The following GPR149 variants were observed in gnomAD, a reference collection of about 807,000 sequenced individuals.
GPR149 encodes probable G protein-coupled receptor 149.
Under a neutral mutation model 50.2 loss-of-function variants are expected in GPR149, and 50 were observed. That is an observed-to-expected ratio of 1.00 (90% confidence interval 0.79 to 1.26). The LOEUF is 1.26. Among genes scored for constraint, GPR149 ranks in the 50% most tolerant of loss-of-function variants. GPR149 has a pLI of 0.00. For missense variants in GPR149, 983 were observed against 895.4 expected, an observed-to-expected ratio of 1.10 and a Z score of -1.25; for synonymous variants, 405 against 358.2, an observed-to-expected ratio of 1.13 and a Z score of -1.48.
At chr3:154,411,395 T>G (rs984517596) in intron 3 of GPR149, among the ~76,000 whole-genome samples, 2 of 151,896 alleles carry the variant, frequency 1.3e-5, no homozygotes, top group Admixed American at 6.6e-5. Flanking sequence ...ATACAAAAGA[T>G]AAATTAAACA....
At chr3:154,409,638 CT>C (rs1172003614) in intron 3 of GPR149, among the ~76,000 whole-genome samples, 2 of 151,928 alleles carry the variant, frequency 1.3e-5, no homozygotes, top group African/African-American at 4.8e-5. Context: ...TACTTCAGAG[CT>C]CAAAGACAGG....
Position 154,373,372 on chromosome 3 carries a change from T to A in GPR149, c.1624-35101A>T, listed in dbSNP as rs1358761499. ...TACTAAAATGGAATCAATGCAAAGATGAACATACACATTCTTTACTACCAG... is the reference window on the plus strand; with the variant it reads ...TACTAAAATGGAATCAATGCAAAGAAGAACATACACATTCTTTACTACCAG... On this transcript the variant is annotated intron_variant, in intron 3 of 3. Transcript: ENST00000389740. Among the ~76,000 whole-genome samples, 3 of 152,180 alleles carry A rather than the reference T, an allele frequency of 2.0e-5. No homozygotes were observed. In the East Asian group the frequency reaches 5.8e-4, roughly 29 times the overall value.
At chr3:154,387,889 C>T (rs1441104734) in intron 3 of GPR149, among the ~76,000 whole-genome samples, 1 of 152,000 alleles carries the variant, frequency 6.6e-6, no homozygotes, top group Admixed American at 6.6e-5. Context: ...TCTTGTGAAC[C>T]TCTATGGCAT....
intron 3 of GPR149, among the ~76,000 whole-genome samples, chr3:154,409,121 G>A (rs958022782): frequency 6.6e-6 from 1 of 152,188 alleles, no homozygotes; most frequent in Non-Finnish European, 1.5e-5. Flanking sequence ...AGACCCAGAA[G>A]AGCAAAAACA....
chr3:154,398,754 A>T (rs1715352220), intron 3 of GPR149, among the ~76,000 whole-genome samples: 1 of 152,166 alleles, frequency 6.6e-6, no homozygotes, highest in Non-Finnish European at 1.5e-5. Context: ...TCATTTCATC[A>T]ATGTAGGAAC....
In GPR149 at chr3:154,338,298, G is replaced by A. The variant is rs536458137; in HGVS notation, c.1624-27C>T. The stretch of plus-strand genomic sequence containing the variant: ...TGGGGACAAAAACAAAATTGTTATT[G>A]TTGAAAGCTAGGTTCTGAGGTTGAG... On this transcript the variant is annotated intron_variant, in intron 3 of 3. Transcript: ENST00000389740. The A allele has an allele frequency of 6.7e-6, 10 of 1,490,586 alleles. No homozygotes were observed. In the African/African-American group the frequency reaches 1.1e-4, roughly 17 times the overall value. The allele number at this position is 1,490,586 out of a possible 1,614,324, so 92.3% of individuals were successfully genotyped here.
chr3:154,340,021 T>C (rs985205320), intron 3 of GPR149, among the ~76,000 whole-genome samples: 1 of 151,996 alleles, frequency 6.6e-6, no homozygotes, highest in Non-Finnish European at 1.5e-5. Context: ...CTCGATCTCC[T>C]GACCTTGTGA....
At chr3:154,391,776 T>C (rs1284139560) in intron 3 of GPR149, among the ~76,000 whole-genome samples, 2 of 151,728 alleles carry the variant, frequency 1.3e-5, no homozygotes, top group African/African-American at 4.8e-5. Context: ...CTTAATAAAC[T>C]TATTAAGTTT....
At chr3:154,385,704 C>CTTTTTTT (rs5853692) in intron 3 of GPR149, among the ~76,000 whole-genome samples, 2 of 136,148 alleles carry the variant, frequency 1.5e-5, no homozygotes, top group Non-Finnish European at 1.6e-5. Context: ...TTCTTTCTTT[C>CTTTTTTT]TTTTTTTTTT....
At chr3:154,400,366 T>C (rs1426408533) in intron 3 of GPR149, among the ~76,000 whole-genome samples, 1 of 152,208 alleles carries the variant, frequency 6.6e-6, no homozygotes, top group Non-Finnish European at 1.5e-5. Context: ...TCAGAAATTA[T>C]ATTATTTGCC....
At chr3:154,412,011 G>T (rs1711848464) in intron 3 of GPR149, among the ~76,000 whole-genome samples, 1 of 152,060 alleles carries the variant, frequency 6.6e-6, no homozygotes, top group Non-Finnish European at 1.5e-5. Context: ...ATGATCAAGT[G>T]GGTTTCATAC....
intron 3 of GPR149, among the ~76,000 whole-genome samples, chr3:154,361,228 G>A (rs1714371653): frequency 6.6e-6 from 1 of 152,124 alleles, no homozygotes; most frequent in South Asian, 2.1e-4. Flanking sequence ...TAATGATGAA[G>A]TTATACATAG....
At chr3:154,398,844 A>C (rs1308853844) in intron 3 of GPR149, among the ~76,000 whole-genome samples, 2 of 152,180 alleles carry the variant, frequency 1.3e-5, no homozygotes, top group Non-Finnish European at 2.9e-5. Flanking sequence ...CAGCAGGAAG[A>C]TTGGATCAAG....
In GPR149 at chr3:154,429,203, A is replaced by G; in HGVS notation, c.413T>C (p.Val138Ala). The G allele has an allele frequency of 6.2e-7, 1 of 1,614,088 alleles. No homozygotes were observed. Among genetic ancestry groups the G allele is most frequent in the South Asian group, 1.1e-5 (1 of 91,084 alleles). Residue 138 changes from valine (V) to alanine (A), a missense_variant, in exon 1 of 4, where the codon GTG becomes GCG. Transcript: ENST00000389740. The part of the protein sequence containing the change: ...SYNFYTMHRG[V>A]GSQTASRRSG... ...TCTTCTGGAGGCTGTCTGGCTCCCC[A>G]CACCTCTGTGCATCGTATAAAAGTT...
At position 154,351,313 on chromosome 3, in the gene GPR149, C is replaced by CAAAA. The variant is rs71155003; in HGVS notation, c.1624-13046_1624-13043dup. Among the ~76,000 whole-genome samples, 197 of 75,564 alleles carry CAAAA rather than the reference C, an allele frequency of 2.6e-3. 1 individual carries two copies. Among genetic ancestry groups the CAAAA allele is most frequent in the Non-Finnish European group, 4.0e-3 (168 of 41,976 alleles). The allele number at this position is 75,564 out of a possible 152,430, so 49.6% of individuals were successfully genotyped here. ...GCTAGGGCAATTAGACATCCACATA[C>CAAAA]AAAAAAAAAAAAAAAAAAAAAAAAA... On this transcript the variant is annotated intron_variant, in intron 3 of 3. Coordinates refer to ENST00000389740, the MANE Select transcript of GPR149 (RefSeq NM_001038705.3).
chr3:154,349,308 A>T (rs1025986869), intron 3 of GPR149, among the ~76,000 whole-genome samples: 1 of 152,228 alleles, frequency 6.6e-6, no homozygotes, highest in Non-Finnish European at 1.5e-5. Flanking sequence ...GAAATTAATG[A>T]AACAAAAAGT....
At chr3:154,404,297 G>T (rs111554229) in intron 3 of GPR149, among the ~76,000 whole-genome samples, 17 of 152,130 alleles carry the variant, frequency 1.1e-4, no homozygotes, top group African/African-American at 3.4e-4. Flanking sequence ...TGATTATTTG[G>T]ATTTCCTTTT....
chr3:154,358,509 GA>G (rs1714300345), intron 3 of GPR149, among the ~76,000 whole-genome samples: 1 of 151,872 alleles, frequency 6.6e-6, no homozygotes, highest in South Asian at 2.1e-4. Context: ...ACAGATCCAA[GA>G]TACTTGAAAA....
chr3:154,368,288 C>T (rs1714588747), intron 3 of GPR149, among the ~76,000 whole-genome samples: 1 of 152,200 alleles, frequency 6.6e-6, no homozygotes, highest in South Asian at 2.1e-4. Flanking sequence ...TCCCACTAGG[C>T]AGGATCAAGA....
Sources: allele counts gnomAD v4.1 joint callset (sites outside exome capture counted in the v4.1 genomes callset), GRCh38; gene constraint gnomAD v4.1.1; transcripts MANE v1.5; gene names NCBI Gene and HGNC (gene_info 2026-07-23, HGNC 2026-07-21).